The following ABCA13 variants were observed in gnomAD, a reference collection of about 807,000 sequenced individuals.
The protein encoded by ABCA13 is ATP-binding cassette sub-family A member 13.
A neutral mutation model predicts 478.7 loss-of-function variants in ABCA13; 476 were observed. The ratio of observed to expected loss-of-function variants is 0.99; its 90% CI spans 0.92 to 1.07. The LOEUF is 1.07. Ranked by LOEUF, ABCA13 falls within the 50% of genes least tolerant of loss-of-function variation. The pLI, the probability that ABCA13 is intolerant of heterozygous loss-of-function variation, is 0.00. For synonymous variants in ABCA13, 2,252 were observed against 2,158.9 expected (o/e 1.04, Z -1.20); for missense variants, 6,060 against 5,910.6 (o/e 1.03, Z -0.83).
At chr7:48,602,856 A>G (rs945490215) in intron 58 of ABCA13, among the ~76,000 whole-genome samples, 3 of 152,090 alleles carry the variant, frequency 2.0e-5, no homozygotes, top group Admixed American at 2.0e-4. Flanking sequence ...CTTCCTATCC[A>G]TGAGCATGGA....
intron 55 of ABCA13, among the ~76,000 whole-genome samples, chr7:48,550,992 CTT>C: frequency 6.6e-6 from 1 of 151,642 alleles, no homozygotes; most frequent in Middle Eastern, 3.4e-3. Flanking sequence ...TCTCTCTTGA[CTT>C]ATTTATGAAA....
Position 48,219,467 on chromosome 7 carries a change from A to G in ABCA13, c.401A>G (p.Asn134Ser). The change falls in exon 4 of 62, where the codon AAC (asparagine) becomes AGC (serine). Residue 134 changes from asparagine (N) to serine (S), a missense_variant. Coordinates refer to ENST00000435803, the MANE Select transcript of ABCA13 (RefSeq NM_152701.5). ...EIHGMMDKAKNLKRLWVERSN... is the reference protein window; with the variant it reads ...EIHGMMDKAKSLKRLWVERSN... The stretch of plus-strand genomic sequence containing the variant: ...CATGGAATGATGGACAAGGCAAAAA[A>G]CTTAAAAAGACTTTGGGTAGAACGA... 1 of 1,613,258 alleles carries G rather than the reference A, an allele frequency of 6.2e-7. No homozygotes were observed. The highest frequency in any genetic ancestry group is 8.5e-7 in the Non-Finnish European group (1 of 1,179,652).
At chr7:48,351,943 T>C (rs1377075741) in intron 30 of ABCA13, among the ~76,000 whole-genome samples, 1 of 152,248 alleles carries the variant, frequency 6.6e-6, no homozygotes, top group Non-Finnish European at 1.5e-5. Context: ...TTTGCTTTTA[T>C]GAAAAATACA....
At chr7:48,436,956 G>T (rs2129155053) in intron 42 of ABCA13, among the ~76,000 whole-genome samples, 1 of 151,888 alleles carries the variant, frequency 6.6e-6, no homozygotes, top group South Asian at 2.1e-4. Context: ...CTATCCTTGA[G>T]AATGTTTCGT....
Position 48,489,272 on chromosome 7 carries a change from T to G in ABCA13, c.13219T>G (p.Ser4407Ala). The G allele has an allele frequency of 6.2e-7, 1 of 1,612,928 alleles. No homozygotes were observed. Among genetic ancestry groups the G allele is most frequent in the Non-Finnish European group, 8.5e-7 (1 of 1,179,266 alleles). The stretch of plus-strand genomic sequence containing the variant: ...TCAGAAGGGTTTTCATTCCCTACCT[T>G]CCTACTTAAATCATCTAAACAACCT... ...YNQKGFHSLPSYLNHLNNLIL... is the reference protein window; with the variant it reads ...YNQKGFHSLPAYLNHLNNLIL... Residue 4407 changes from serine to alanine, a missense_variant, in exon 48 of 62, where the codon TCC (serine) becomes GCC (alanine). By Grantham distance (99) the Ser-to-Ala change is moderately conservative (BLOSUM62 1). This residue lies in a region of ABCA13 where 1,627 missense variants were observed against 1,571.0 expected (regional missense o/e 1.04). Coordinates refer to ENST00000435803, the MANE Select transcript of ABCA13 (RefSeq NM_152701.5).
chr7:48,411,550 C>T (rs1819239648), intron 40 of ABCA13, among the ~76,000 whole-genome samples: 1 of 152,086 alleles, frequency 6.6e-6, no homozygotes, highest in African/African-American at 2.4e-5. Flanking sequence ...TCAGGTGATC[C>T]ACCAACCTCG....
At chr7:48,518,549 G>A (rs1832303006) in intron 52 of ABCA13, among the ~76,000 whole-genome samples, 1 of 152,090 alleles carries the variant, frequency 6.6e-6, no homozygotes, top group African/African-American at 2.4e-5. Context: ...AGGCAATGAA[G>A]TGTTTGCCAG....
intron 8 of ABCA13, among the ~76,000 whole-genome samples, chr7:48,236,236 T>G (rs1281146716): frequency 6.6e-6 from 1 of 152,196 alleles, no homozygotes; most frequent in African/African-American, 2.4e-5. Context: ...TGAGTTATCC[T>G]GTTTTGCAGA....
At chr7:48,609,927 A>G (rs575133529) in intron 58 of ABCA13, among the ~76,000 whole-genome samples, 4 of 152,316 alleles carry the variant, frequency 2.6e-5, no homozygotes, top group Middle Eastern at 6.8e-3. Flanking sequence ...GGGGATTACA[A>G]TTTGACATGA....
At chr7:48,386,178 T>C (rs2129049583) in intron 35 of ABCA13, among the ~76,000 whole-genome samples, 1 of 152,240 alleles carries the variant, frequency 6.6e-6, no homozygotes. Flanking sequence ...GGAATACACC[T>C]AACAAGGTGA....
intron 11 of ABCA13, 111 bp from the exon 12 acceptor site, chr7:48,245,401 A>C: frequency 2.6e-6 from 2 of 780,264 alleles, no homozygotes. Flanking sequence ...TAATAGGTCA[A>C]GTTTTTAAAA....
chr7:48,208,635 T>G (rs117056626), intron 3 of ABCA13, among the ~76,000 whole-genome samples: 5,835 of 152,198 alleles, frequency 0.038, 200 homozygotes, highest in Admixed American at 0.11. Context: ...ATACATGCTA[T>G]TGATTTTTCT....
intron 28 of ABCA13, among the ~76,000 whole-genome samples, chr7:48,336,021 C>T (rs1806206854): frequency 6.6e-6 from 1 of 152,166 alleles, no homozygotes; most frequent in Non-Finnish European, 1.5e-5. Flanking sequence ...CTTACCTTAA[C>T]TCTGATAGGA....
At chr7:48,640,180 G>A (rs1178300189) in intron 59 of ABCA13, among the ~76,000 whole-genome samples, 1 of 152,056 alleles carries the variant, frequency 6.6e-6, no homozygotes, top group Non-Finnish European at 1.5e-5. Flanking sequence ...TAATAGTTGA[G>A]GCTGAAATCA....
chr7:48,327,625 A>T (rs930968011), intron 27 of ABCA13, among the ~76,000 whole-genome samples: 2 of 152,252 alleles, frequency 1.3e-5, no homozygotes, highest in Non-Finnish European at 2.9e-5. Context: ...AGTTTATTAG[A>T]TGATAAACAG....
In ABCA13 at chr7:48,239,470, C is replaced by T. The variant is rs1002901742; in HGVS notation, c.1062+65C>T. On this transcript the variant is annotated intron_variant, in intron 9 of 61. Coordinates refer to ENST00000435803, the MANE Select transcript of ABCA13 (RefSeq NM_152701.5). The stretch of plus-strand genomic sequence containing the variant: ...CAGTTTGAGTGTCCAAATCCATTCT[C>T]CTCCCCTGCCCTGCCATGTTTACTG... 1.9e-5 allele frequency: 28 copies of T among 1,485,840 alleles called. No homozygotes were observed. The African/African-American group carries it at 2.9e-4, about 16-fold the overall frequency. The allele number at this position is 1,485,840 out of a possible 1,614,324, so 92.0% of individuals were successfully genotyped here. A position where few individuals can be genotyped will look rare whatever the true frequency, so the allele number is the denominator to read the frequency against.
At chr7:48,280,633 C>T (rs1316386707) in intron 18 of ABCA13, among the ~76,000 whole-genome samples, 2 of 149,396 alleles carry the variant, frequency 1.3e-5, no homozygotes, top group African/African-American at 4.9e-5. Context: ...CCCTGCTTTC[C>T]TCTCTGGCCC....
At position 48,276,412 on chromosome 7, in the gene ABCA13, C is replaced by G; in HGVS notation, c.6746C>G (p.Thr2249Ser). Residue 2249 changes from threonine to serine, a missense_variant, in exon 17 of 62, where the codon ACT becomes AGT. Coordinates refer to ENST00000435803, the MANE Select transcript of ABCA13 (RefSeq NM_152701.5). ...NLILNHMQSETSRKTVLSLRS... is the reference protein window; with the variant it reads ...NLILNHMQSESSRKTVLSLRS... ...ATCTTGAACCATATGCAGTCAGAAA[C>G]TAGTAGGAAAACAGTTCTCTCTCTG... 1.3e-6 allele frequency: 2 copies of G among 1,561,378 alleles called. No homozygotes were observed. The highest frequency in any genetic ancestry group is 1.7e-6 in the Non-Finnish European group (2 of 1,155,386).
chr7:48,204,303 G>C (rs932327227), intron 3 of ABCA13, among the ~76,000 whole-genome samples: 1 of 151,476 alleles, frequency 6.6e-6, no homozygotes, highest in African/African-American at 2.4e-5. Context: ...TCCGCCTCCC[G>C]GGTTCAAGCG....
Sources: gnomAD v4.1 joint callset for allele counts (sites outside exome capture counted in the v4.1 genomes callset) on GRCh38, gnomAD v4.1.1 for gene constraint, gnomAD v4.1.1 regional missense constraint, MANE v1.5 for transcripts, NCBI Gene and HGNC (gene_info 2026-07-23, HGNC 2026-07-21) for gene names.